Variants in ATP6V0E1 observed in about 807,000 individuals in gnomAD.
ATP6V0E1 encodes the protein ATPase H+ transporting V0 subunit e1.
In ATP6V0E1, 4 loss-of-function variants were observed where a neutral mutation model predicts 11.6. The ratio of observed to expected loss-of-function variants is 0.35; its 90% CI spans 0.17 to 0.79. ATP6V0E1 has a LOEUF of 0.79. Ranked by LOEUF, ATP6V0E1 falls within the 30% of genes least tolerant of loss-of-function variation. ATP6V0E1 has a pLI of 0.54. For synonymous variants in ATP6V0E1, 36 were observed against 34.8 expected, an observed-to-expected ratio of 1.04 and a Z score of -0.13; for missense variants, 105 against 100.0, an observed-to-expected ratio of 1.05 and a Z score of -0.21.
chr5:172,993,262 A>T (rs968096743), intron 1 of ATP6V0E1, among the ~76,000 whole-genome samples: 1 of 152,192 alleles, frequency 6.6e-6, no homozygotes, highest in Non-Finnish European at 1.5e-5. Context: ...TAATCCCAGC[A>T]CTTTGGGAAG....
At chr5:173,032,552 A>G (rs1693759299) in intron 3 of ATP6V0E1, among the ~76,000 whole-genome samples, 1 of 152,064 alleles carries the variant, frequency 6.6e-6, no homozygotes, top group African/African-American at 2.4e-5. Flanking sequence ...CGGCCTCCCA[A>G]AGTGCTGGGA....
At chr5:172,986,628 C>T (rs1755901145) in intron 1 of ATP6V0E1, 3 of 412,552 alleles carry the variant, frequency 7.3e-6, no homozygotes, top group Non-Finnish European at 1.4e-5. Context: ...CCTGTCTCTT[C>T]AAAAATGAAA....
At chr5:172,984,002 T>C (rs773118294) in intron 1 of ATP6V0E1, 38 bp downstream of exon 1, 1 of 1,594,502 alleles carries the variant, frequency 6.3e-7, no homozygotes, top group Non-Finnish European at 8.6e-7. Context: ...GAACGGGCGG[T>C]GAGGAGCTAG....
In ATP6V0E1 at chr5:172,994,648, C is replaced by T; in HGVS notation, c.105-127C>T. 6.7e-6 allele frequency: 5 copies of T among 742,694 alleles called. No homozygotes were observed. The East Asian group carries it at 1.4e-4, about 20-fold the overall frequency. 46.0% of individuals were successfully genotyped at this position (742,694 alleles called of 1,614,324 possible). A position where few individuals can be genotyped will look rare whatever the true frequency, so the allele number is the denominator to read the frequency against. ...AGTTTGCTGGATATTTGAGCAAATA[C>T]AGATCCAATTTCTTGGTGTGCAATC... is the stretch of plus-strand genomic sequence containing the variant. On this transcript the variant is annotated intron_variant, in intron 1 of 3. Transcript: ENST00000519374.
In ATP6V0E1 at chr5:172,999,960, C is replaced by T. The variant is rs112056640; in HGVS notation, c.152+5138C>T. ...GAATTCAAACCCCAAATATTTTACACACCTTATTCCACAAAAGAGTGAGAT... is the reference window on the plus strand; with the variant it reads ...GAATTCAAACCCCAAATATTTTACATACCTTATTCCACAAAAGAGTGAGAT... On this transcript the variant is annotated intron_variant, in intron 2 of 3. Coordinates refer to ENST00000519374, the MANE Select transcript of ATP6V0E1 (RefSeq NM_003945.4). Among the ~76,000 whole-genome samples, 1,324 of 152,252 alleles carry T rather than the reference C, an allele frequency of 8.7e-3. 19 individuals carry two copies. The highest frequency in any genetic ancestry group is 0.03 in the African/African-American group (1,259 of 41,536).
At chr5:173,024,504 G>A (rs916224701) in intron 3 of ATP6V0E1, among the ~76,000 whole-genome samples, 1 of 151,800 alleles carries the variant, frequency 6.6e-6, no homozygotes, top group Non-Finnish European at 1.5e-5. Flanking sequence ...AAATGTCCAG[G>A]CCCCTCTTCT....
At chr5:173,015,971 C>T (rs763143128) in intron 2 of ATP6V0E1, among the ~76,000 whole-genome samples, 78 of 152,224 alleles carry the variant, frequency 5.1e-4, no homozygotes, top group African/African-American at 1.7e-3. Context: ...AGTGATCCAC[C>T]CGCCTTGGCC....
At chr5:172,984,040 C>A in intron 1 of ATP6V0E1, 76 bp downstream of exon 1, 1 of 1,407,894 alleles carries the variant, frequency 7.1e-7, no homozygotes, top group Non-Finnish European at 1.0e-6. Context: ...AGGCACGACC[C>A]CCACACGGGT....
At chr5:173,014,520 A>G (rs1756374819) in intron 2 of ATP6V0E1, among the ~76,000 whole-genome samples, 1 of 152,174 alleles carries the variant, frequency 6.6e-6, no homozygotes, top group Non-Finnish European at 1.5e-5. Flanking sequence ...TATGTACACT[A>G]CGGAATAGTA....
At chr5:172,993,041 G>T (rs1260791261) in intron 1 of ATP6V0E1, among the ~76,000 whole-genome samples, 1 of 151,764 alleles carries the variant, frequency 6.6e-6, no homozygotes, top group Non-Finnish European at 1.5e-5. Context: ...CTCTTGATCC[G>T]CCTGCCTCGG....
At chr5:173,027,210 G>A (rs1223725026) in intron 3 of ATP6V0E1, among the ~76,000 whole-genome samples, 2 of 132,666 alleles carry the variant, frequency 1.5e-5, no homozygotes, top group South Asian at 2.4e-4. Context: ...AAAAATAGCC[G>A]GGCACGGTGG....
At chr5:172,992,460 C>T (rs1755998835) in intron 1 of ATP6V0E1, among the ~76,000 whole-genome samples, 1 of 152,142 alleles carries the variant, frequency 6.6e-6, no homozygotes, top group Non-Finnish European at 1.5e-5. Flanking sequence ...TGCTCTGTGT[C>T]AGCCACACAG....
chr5:172,997,812 CAAAA>C (rs772648443), intron 2 of ATP6V0E1, among the ~76,000 whole-genome samples: 2 of 92,648 alleles, frequency 2.2e-5, no homozygotes, highest in Non-Finnish European at 2.3e-5. Context: ...GACTCCGTCT[CAAAA>C]AAAAAAAAAA....
intron 2 of ATP6V0E1, among the ~76,000 whole-genome samples, chr5:173,017,409 C>G (rs1434577035): frequency 6.6e-6 from 1 of 151,846 alleles, no homozygotes; most frequent in Non-Finnish European, 1.5e-5. Flanking sequence ...TGGCAGGCGC[C>G]TGTAATCCCA....
At chr5:173,025,966 T>G (rs1756553452) in intron 3 of ATP6V0E1, among the ~76,000 whole-genome samples, 1 of 152,040 alleles carries the variant, frequency 6.6e-6, no homozygotes, top group African/African-American at 2.4e-5. Context: ...GAGACATGCC[T>G]CGGCAATATA....
chr5:173,034,330 T>A, intron 3 of ATP6V0E1, 69 bp from the exon 4 acceptor site: 1 of 698,024 alleles, frequency 1.4e-6, no homozygotes, highest in Non-Finnish European at 2.6e-6. Flanking sequence ...GTTAACTTTC[T>A]CGATGTTAAC....
chr5:173,002,291 A>T (rs1305621421), intron 2 of ATP6V0E1, among the ~76,000 whole-genome samples: 2 of 152,218 alleles, frequency 1.3e-5, no homozygotes, highest in Non-Finnish European at 2.9e-5. Flanking sequence ...TAATTGTCTC[A>T]TTATTTTACA....
intron 2 of ATP6V0E1, among the ~76,000 whole-genome samples, chr5:173,004,137 A>G (rs1302684803): frequency 6.7e-6 from 1 of 149,426 alleles, no homozygotes; most frequent in Non-Finnish European, 1.5e-5. Flanking sequence ...TAGATGAGGA[A>G]GAGTCAGAAA....
At chr5:173,020,114 G>C in intron 2 of ATP6V0E1, 124 bp from the exon 3 acceptor site, 1 of 719,554 alleles carries the variant, frequency 1.4e-6, no homozygotes, top group South Asian at 1.7e-5. Flanking sequence ...AATGTATATG[G>C]AAAGTTTGGT....
Sources: gnomAD v4.1 joint callset for allele counts (sites outside exome capture counted in the v4.1 genomes callset) on GRCh38, gnomAD v4.1.1 for gene constraint, MANE v1.5 for transcripts, NCBI Gene and HGNC (gene_info 2026-07-23, HGNC 2026-07-21) for gene names.